The following KLHDC2 variants were observed in gnomAD, a reference collection of about 807,000 sequenced individuals.
KLHDC2 encodes the protein kelch domain-containing protein 2.
KLHDC2 carries 38 observed loss-of-function variants against 62.3 expected under a neutral mutation model. The observed-to-expected ratio is 0.61, with a 90% CI of 0.47 to 0.80. KLHDC2 has a LOEUF of 0.80. Ranked by LOEUF, KLHDC2 falls within the 30% of genes least tolerant of loss-of-function variation. The probability of loss-of-function intolerance (pLI) is 0.00; values close to 1 mark genes in which losing one functional copy is unlikely to be tolerated. For synonymous variants in KLHDC2, 159 were observed against 161.0 expected, an observed-to-expected ratio of 0.99 and a Z score of 0.09; for missense variants, 430 against 495.3, an observed-to-expected ratio of 0.87 and a Z score of 1.25.
chr14:49,772,398 A>C (rs1425914767), intron 2 of KLHDC2, among the ~76,000 whole-genome samples: 2 of 152,226 alleles, frequency 1.3e-5, no homozygotes, highest in Non-Finnish European at 2.9e-5. Flanking sequence ...AATCTTTTTA[A>C]AAATAGTGTT....
Position 49,782,875 on chromosome 14 carries a change from C to T in KLHDC2, c.1143C>T (p.Asn381=). 1.2e-6 allele frequency: 2 copies of T among 1,613,720 alleles called. No homozygotes were observed. The highest frequency in any genetic ancestry group is 1.7e-6 in the Non-Finnish European group (2 of 1,179,692). Residue 381 remains asparagine (N), a synonymous_variant, in exon 13 of 13, where the codon AAC becomes AAT. Coordinates refer to ENST00000298307, the MANE Select transcript of KLHDC2 (RefSeq NM_014315.3). ...AVICFKEMLA[N]SWNCLPKHLL... ...TTTGCTTTAAAGAAATGTTAGCCAA[C>T]TCATGGAACTGCCTTCCAAAACACT...
At chr14:49,780,892 T>C (rs2139802056) in intron 10 of KLHDC2, 117 bp downstream of exon 10, 1 of 666,870 alleles carries the variant, frequency 1.5e-6, no homozygotes, top group Non-Finnish European at 2.7e-6. Context: ...AGGTTTGAAA[T>C]ACTTCTCAAA....
Position 49,786,087 on chromosome 14 carries a change from G to C in KLHDC2, c.*3134G>C, listed in dbSNP as rs898680062. On this transcript the variant is annotated 3_prime_UTR_variant, in exon 13 of 13. Coordinates refer to ENST00000298307, the MANE Select transcript of KLHDC2 (RefSeq NM_014315.3). ...CAGAAGACAATGGGCAATGTCTAGA[G>C]ATAGTTTTCGTTGACACGATGAGGG... 2.2e-4 allele frequency: 34 copies of C among 152,810 alleles called. No individual in the cohort carries two copies. The highest frequency in any genetic ancestry group is 8.0e-4 in the African/African-American group (33 of 41,404). The allele number at this position is 152,810 out of a possible 1,614,324, so 9.5% of individuals were successfully genotyped here.
chr14:49,769,735 G>C (rs1889621977), intron 1 of KLHDC2, among the ~76,000 whole-genome samples: 1 of 100,680 alleles, frequency 9.9e-6, no homozygotes, highest in Admixed American at 1.2e-4. Context: ...TCAGGAGCTC[G>C]AGACCAGCCT....
Position 49,778,508 on chromosome 14 carries a change from G to A in KLHDC2, c.633+14G>A. 1.1e-6 allele frequency: 1 copy of A among 893,448 alleles called. No homozygotes were observed. The highest frequency in any genetic ancestry group is 1.6e-6 in the Non-Finnish European group (1 of 629,912). 55.3% of individuals were successfully genotyped at this position (893,448 alleles called of 1,614,324 possible). ...CCTATAACTACTGTGAGTTACTAAA[G>A]AATAATGAATTGTTAAGGATACTTA... On this transcript the variant is annotated intron_variant, in intron 6 of 12. Transcript: ENST00000298307.
rs1170128467 is a variant in KLHDC2 at position 49,779,540 on chromosome 14, A to G, written c.634-55A>G. ...CTTATCCCATATCCAGAGTAGACATAGGTATTTTCCCTGTTTATAAAAAGT... is the reference window on the plus strand; with the variant it reads ...CTTATCCCATATCCAGAGTAGACATGGGTATTTTCCCTGTTTATAAAAAGT... On this transcript the variant is annotated intron_variant, in intron 6 of 12. Transcript: ENST00000298307. 3 of 1,308,436 alleles carry G rather than the reference A, an allele frequency of 2.3e-6. No individual in the cohort carries two copies. The East Asian group carries it at 7.0e-5, about 30-fold the overall frequency. The allele number at this position is 1,308,436 out of a possible 1,614,324, so 81.1% of individuals were successfully genotyped here. A position where few individuals can be genotyped will look rare whatever the true frequency, so the allele number is the denominator to read the frequency against.
intron 6 of KLHDC2, 111 bp from the exon 7 acceptor site, chr14:49,779,484 A>C: frequency 1.4e-6 from 1 of 733,866 alleles, no homozygotes; most frequent in South Asian, 2.0e-5. Context: ...CTACACTCCC[A>C]ACTTTTAAAA....
chr14:49,773,455 C>T (rs956045452), intron 2 of KLHDC2, among the ~76,000 whole-genome samples: 4 of 150,784 alleles, frequency 2.7e-5, no homozygotes, highest in East Asian at 1.9e-4. Flanking sequence ...TATGGTGGCT[C>T]ACACCTGTAA....
intron 1 of KLHDC2, among the ~76,000 whole-genome samples, chr14:49,769,548 C>G (rs1038750592): frequency 1.3e-5 from 2 of 152,186 alleles, no homozygotes; most frequent in Non-Finnish European, 2.9e-5. Flanking sequence ...GATGGCTGTC[C>G]TGATACTTTA....
At position 49,780,558 on chromosome 14, in the gene KLHDC2, T is replaced by C. The variant is rs911334465; in HGVS notation, c.884-145T>C. ...GGCTACAACATGCAAAGGGCTTACT[T>C]GGCTAATTGCAGGGGGGGGAAAAAA... On this transcript the variant is annotated intron_variant, in intron 9 of 12. Transcript: ENST00000298307. 7.3e-6 allele frequency: 5 copies of C among 682,452 alleles called. No homozygotes were observed. In the East Asian group the frequency reaches 1.3e-4, roughly 18 times the overall value. 42.3% of individuals were successfully genotyped at this position (682,452 alleles called of 1,614,324 possible).
At position 49,783,253 on chromosome 14, in the gene KLHDC2, T is replaced by C. The variant is rs1889997705; in HGVS notation, c.*300T>C. On this transcript the variant is annotated 3_prime_UTR_variant, in exon 13 of 13. Transcript: ENST00000298307. ...TGTATCTGTAGAAACATTATAGTCT[T>C]ACCATCATCAAAATGCTGAAGTCAT... 4.7e-6 allele frequency: 1 copy of C among 210,718 alleles called. No individual in the cohort carries two copies. The highest frequency in any genetic ancestry group is 1.8e-4 in the South Asian group (1 of 5,606). 13.1% of individuals were successfully genotyped at this position (210,718 alleles called of 1,614,324 possible).
At chr14:49,773,306 C>T (rs754611018) in intron 2 of KLHDC2, among the ~76,000 whole-genome samples, 44 of 142,522 alleles carry the variant, frequency 3.1e-4, no homozygotes, top group African/African-American at 1.1e-3. Flanking sequence ...CCCAGCTACT[C>T]GGGAGGCTGA....
rs1030100111 is a variant in KLHDC2, at chr14:49,783,853, T to A, written c.*900T>A. 6.6e-6 allele frequency: 1 copy of A among 152,176 alleles called. No individual in the cohort carries two copies. The highest frequency in any genetic ancestry group is 1.5e-5 in the Non-Finnish European group (1 of 68,020). 9.4% of individuals were successfully genotyped at this position (152,176 alleles called of 1,614,324 possible). A position where few individuals can be genotyped will look rare whatever the true frequency, so the allele number is the denominator to read the frequency against. On this transcript the variant is annotated 3_prime_UTR_variant, in exon 13 of 13. Coordinates refer to ENST00000298307, the MANE Select transcript of KLHDC2 (RefSeq NM_014315.3). ...ACTTATATTTTACATTTTGGTCTAA[T>A]ATTTTTTTCTGACAAGTATCAATGA... is the stretch of plus-strand genomic sequence containing the variant.
intron 2 of KLHDC2, 96 bp from the exon 3 acceptor site, chr14:49,774,465 T>C (rs907232171): frequency 3.8e-6 from 3 of 788,660 alleles, no homozygotes; most frequent in Non-Finnish European, 6.7e-6. Flanking sequence ...CTCATTTTAT[T>C]CCTTTATTGT....
chr14:49,769,956 AG>A (rs1889627811), intron 1 of KLHDC2, among the ~76,000 whole-genome samples: 1 of 107,422 alleles, frequency 9.3e-6, no homozygotes. Flanking sequence ...TACTTTAGAA[AG>A]GGGTAGAGAA....
rs1264734294 is a variant in KLHDC2, at chr14:49,786,003, G to C, written c.*3050G>C. On this transcript the variant is annotated 3_prime_UTR_variant, in exon 13 of 13. Transcript: ENST00000298307. ...AAATAGATTTAAGTCCTATCACATG[G>C]AAATGGGACTAATACCTTGGCTATA... 6.6e-6 allele frequency: 1 copy of C among 152,454 alleles called. No homozygotes were observed. Among genetic ancestry groups the C allele is most frequent in the Non-Finnish European group, 1.5e-5 (1 of 68,282 alleles). 9.4% of individuals were successfully genotyped at this position (152,454 alleles called of 1,614,324 possible).
At chr14:49,781,386 G>T (rs200155132) in intron 10 of KLHDC2, among the ~76,000 whole-genome samples, 2 of 127,558 alleles carry the variant, frequency 1.6e-5, no homozygotes, top group Admixed American at 1.6e-4. Context: ...AAAAAAAAAA[G>T]GGGGTAGAGG....
Position 49,768,396 on chromosome 14 carries a change from C to G in KLHDC2, c.-73C>G, listed in dbSNP as rs904937032. 3.3e-6 allele frequency: 5 copies of G among 1,516,882 alleles called. 1 individual carries two copies. In the South Asian group the frequency reaches 4.9e-5, roughly 15 times the overall value. The allele number at this position is 1,516,882 out of a possible 1,614,324, so 94.0% of individuals were successfully genotyped here. A position where few individuals can be genotyped will look rare whatever the true frequency, so the allele number is the denominator to read the frequency against. ...CCTTGCCTCGCGCCGCTGTGCATTT[C>G]TCTCCTTTTCCTTTGTTTTTTTGGC... is the stretch of plus-strand genomic sequence containing the variant. On this transcript the variant is annotated 5_prime_UTR_variant, in exon 1 of 13. Coordinates refer to ENST00000298307, the MANE Select transcript of KLHDC2 (RefSeq NM_014315.3).
At chr14:49,769,144 A>C (rs1317354887) in intron 1 of KLHDC2, 2 of 152,368 alleles carry the variant, frequency 1.3e-5, no homozygotes, top group African/African-American at 2.4e-5. Context: ...GGCCATCAGG[A>C]CTGTTTTCCT....
Sources: gnomAD v4.1 joint callset for allele counts (sites outside exome capture counted in the v4.1 genomes callset) on GRCh38, gnomAD v4.1.1 for gene constraint, MANE v1.5 for transcripts, NCBI Gene and HGNC (gene_info 2026-07-23, HGNC 2026-07-21) for gene names.